CDH7: variants seen among roughly 807,000 people sequenced by gnomAD.
The protein encoded by CDH7 is cadherin 7.
In CDH7, 25 loss-of-function variants were observed where a neutral mutation model predicts 71.8. The ratio of observed to expected loss-of-function variants is 0.35; its 90% CI spans 0.25 to 0.49. The LOEUF is 0.49. Ranked by LOEUF, CDH7 falls within the 20% of genes least tolerant of loss-of-function variation. CDH7 has a pLI of 0.99. For synonymous variants in CDH7, 381 were observed against 363.8 expected (o/e 1.05, Z -0.54); for missense variants, 862 against 974.6 (o/e 0.88, Z 1.54).
rs1599072158 is a variant in CDH7, at chr18:65,880,964, A to G, written c.*70A>G. The G allele has an allele frequency of 7.0e-7, 1 of 1,427,636 alleles. No homozygotes were observed. Among genetic ancestry groups the G allele is most frequent in the Non-Finnish European group, 9.4e-7 (1 of 1,063,448 alleles). 88.4% of individuals were successfully genotyped at this position (1,427,636 alleles called of 1,614,324 possible). On this transcript the variant is annotated 3_prime_UTR_variant, in exon 12 of 12. Coordinates refer to ENST00000397968, the MANE Select transcript of CDH7 (RefSeq NM_004361.5). ...AAAAAATAAAATAAAATGAAATAAA[A>G]TAATAAACCACTACATACAGAAAAC...
intron 2 of CDH7, among the ~76,000 whole-genome samples, chr18:65,780,919 T>G (rs965598568): frequency 1.1e-4 from 5 of 45,432 alleles, no homozygotes; most frequent in African/African-American, 3.5e-4. Flanking sequence ...TCTATTCCTG[T>G]TTTTTTTTTT....
chr18:65,869,140 C>T (rs1197405647), intron 11 of CDH7, among the ~76,000 whole-genome samples: 1 of 152,078 alleles, frequency 6.6e-6, no homozygotes, highest in Non-Finnish European at 1.5e-5. Context: ...TCAATTAGTC[C>T]GCACATACTG....
intron 1 of CDH7, among the ~76,000 whole-genome samples, chr18:65,757,447 G>A (rs948357930): frequency 1.3e-5 from 2 of 152,104 alleles, no homozygotes; most frequent in South Asian, 4.2e-4. Context: ...ATATTCTGAT[G>A]ATTAAGATCT....
intron 6 of CDH7, among the ~76,000 whole-genome samples, chr18:65,835,244 G>A (rs976542136): frequency 1.3e-5 from 2 of 152,120 alleles, no homozygotes; most frequent in African/African-American, 4.8e-5. Flanking sequence ...ACCCAAGCAA[G>A]ACACAGGACA....
chr18:65,852,550 A>T (rs1259112864), intron 7 of CDH7, among the ~76,000 whole-genome samples: 3 of 152,120 alleles, frequency 2.0e-5, no homozygotes, highest in African/African-American at 7.2e-5. Flanking sequence ...GGTGAGAGAA[A>T]GGGGGAGGGC....
chr18:65,872,545 A>G (rs1294560384), intron 11 of CDH7, among the ~76,000 whole-genome samples: 3 of 152,118 alleles, frequency 2.0e-5, no homozygotes, highest in Admixed American at 6.6e-5. Context: ...ATGTTTCTTC[A>G]TCATGGTTAT....
chr18:65,809,762 G>A lies in CDH7; in HGVS notation c.269G>A (p.Gly90Glu), dbSNP rs1911455862. 2 of 1,613,802 alleles carry A rather than the reference G, an allele frequency of 1.2e-6. No homozygotes were observed. Among genetic ancestry groups the A allele is most frequent in the East Asian group, 2.2e-5 (1 of 44,876 alleles). Residue 90 changes from glycine to glutamate, a missense_variant, in exon 3 of 12, where the codon GGG becomes GAG. Transcript: ENST00000397968. Reference sequence around the variant, plus strand: ...ATCAAATACATCTTGTCAGGCGAAGGGGCAAGTTCCATTTTCATTATTGAT... The same window carrying A: ...ATCAAATACATCTTGTCAGGCGAAGAGGCAAGTTCCATTTTCATTATTGAT... ...GSIKYILSGE[G>E]ASSIFIIDEN...
rs1914289182 is a variant in CDH7 at position 65,883,486 on chromosome 18, A to T, written c.*2592A>T. 6.6e-6 allele frequency: 1 copy of T among 151,998 alleles called. No individual in the cohort carries two copies. Among genetic ancestry groups the T allele is most frequent in the East Asian group, 1.9e-4 (1 of 5,184 alleles). The allele number at this position is 151,998 out of a possible 1,614,324, so 9.4% of individuals were successfully genotyped here. ...AAATTAATATTAAGTCTAGTTGGAA[A>T]ATTCTCCAAATATGATTTAAATAAA... is the stretch of plus-strand genomic sequence containing the variant. On this transcript the variant is annotated 3_prime_UTR_variant, in exon 12 of 12. Transcript: ENST00000397968.
rs72944037 is a variant in CDH7 at position 65,835,948 on chromosome 18, T to C, written c.982-7864T>C. On this transcript the variant is annotated intron_variant, in intron 6 of 11. Coordinates refer to ENST00000397968, the MANE Select transcript of CDH7 (RefSeq NM_004361.5). ...CTGGATCACATAATTGGGTGCAGTATAATCACAAGGCTCCTTAAAGAGGAA... is the reference window on the plus strand; with the variant it reads ...CTGGATCACATAATTGGGTGCAGTACAATCACAAGGCTCCTTAAAGAGGAA... 2.3e-3 allele frequency among the ~76,000 whole-genome samples: 354 copies of C among 152,274 alleles called. 1 individual carries two copies. The highest frequency in any genetic ancestry group is 3.7e-3 in the Non-Finnish European group (250 of 68,030).
At chr18:65,791,341 A>T (rs1361508885) in intron 2 of CDH7, among the ~76,000 whole-genome samples, 1 of 152,168 alleles carries the variant, frequency 6.6e-6, no homozygotes, top group Non-Finnish European at 1.5e-5. Context: ...TGTTCTTTCT[A>T]TGTGATGTTC....
At chr18:65,805,209 A>G (rs1911272370) in intron 2 of CDH7, among the ~76,000 whole-genome samples, 1 of 152,224 alleles carries the variant, frequency 6.6e-6, no homozygotes, top group African/African-American at 2.4e-5. Flanking sequence ...ATTCTGTCAT[A>G]GAAATTGAAA....
At chr18:65,812,744 T>A (rs551251416) in intron 3 of CDH7, among the ~76,000 whole-genome samples, 67 of 152,256 alleles carry the variant, frequency 4.4e-4, no homozygotes, top group Non-Finnish European at 8.8e-4. Flanking sequence ...AATGAACTTT[T>A]CAGAAAAAAA....
chr18:65,776,039 A>G (rs2143817014), intron 2 of CDH7, among the ~76,000 whole-genome samples: 1 of 152,322 alleles, frequency 6.6e-6, no homozygotes, highest in South Asian at 2.1e-4. Flanking sequence ...TTTATAAATT[A>G]TTAGAGTAAG....
chr18:65,760,378 T>C (rs1916156499), intron 1 of CDH7, among the ~76,000 whole-genome samples: 1 of 152,196 alleles, frequency 6.6e-6, no homozygotes, highest in Non-Finnish European at 1.5e-5. Context: ...ACCAACAGTC[T>C]TTACTGGTAA....
Position 65,880,421 on chromosome 18 carries a change from A to G in CDH7, c.1885A>G (p.Thr629Ala), listed in dbSNP as rs1914186598. 1 of 1,547,622 alleles carries G rather than the reference A, an allele frequency of 6.5e-7. No individual in the cohort carries two copies. The highest frequency in any genetic ancestry group is 2.1e-5 in the Admixed American group (1 of 47,156). ...TLLVLILLIV[T>A]MRRRKKEPLI... ...TTCAGTGTTGATCCTCCTTATCGTC[A>G]CTATGAGAAGACGGAAAAAAGAGCC... The change falls in exon 12 of 12, where the codon ACT becomes GCT. Residue 629 changes from threonine (T) to alanine (A), a missense_variant. Thr to Ala is a moderately conservative substitution (Grantham distance 58). Transcript: ENST00000397968.
chr18:65,782,108 T>TTCCTTCTTTCTTTCTTTCTTTCTTTCTC (rs1910310804), intron 2 of CDH7, among the ~76,000 whole-genome samples: 1 of 21,164 alleles, frequency 4.7e-5, no homozygotes, highest in South Asian at 2.5e-3. Flanking sequence ...CCTTCCTTCC[T>TTCCTTCTTTCTTTCTTTCTTTCTTTCTC]TCTTTCTTTC....
At chr18:65,819,767 G>T (rs1025243105) in intron 4 of CDH7, among the ~76,000 whole-genome samples, 1 of 151,586 alleles carries the variant, frequency 6.6e-6, no homozygotes, top group African/African-American at 2.4e-5. Context: ...CAGTCAAAGT[G>T]ATATCCAAAA....
intron 6 of CDH7, among the ~76,000 whole-genome samples, chr18:65,835,685 T>C (rs1912508569): frequency 6.6e-6 from 1 of 152,218 alleles, no homozygotes; most frequent in Non-Finnish European, 1.5e-5. Context: ...GCCTGAGCTG[T>C]AAGGTAAACC....
In CDH7 at chr18:65,889,737, T is replaced by C. The variant is rs1289553484; in HGVS notation, c.*8843T>C. 6.6e-6 allele frequency: 1 copy of C among 152,182 alleles called. No homozygotes were observed. The highest frequency in any genetic ancestry group is 2.4e-5 in the African/African-American group (1 of 41,454). 9.4% of individuals were successfully genotyped at this position (152,182 alleles called of 1,614,324 possible). On this transcript the variant is annotated 3_prime_UTR_variant, in exon 12 of 12. Transcript: ENST00000397968. Reference sequence around the variant, plus strand: ...CTAGAAGTACTATGGAGATTGTATATACTATATTAGACACTGTGCAAGAAG... The same window carrying C: ...CTAGAAGTACTATGGAGATTGTATACACTATATTAGACACTGTGCAAGAAG...
Sources: allele counts gnomAD v4.1 joint callset (sites outside exome capture counted in the v4.1 genomes callset), GRCh38; gene constraint gnomAD v4.1.1; transcripts MANE v1.5; gene names NCBI Gene and HGNC (gene_info 2026-07-23, HGNC 2026-07-21).